The following PLEKHG1 variants were observed in gnomAD, a reference collection of about 807,000 sequenced individuals.
PLEKHG1 encodes pleckstrin homology and RhoGEF domain containing G1.
Under a neutral mutation model 100.8 loss-of-function variants are expected in PLEKHG1, and 44 were observed. The ratio of observed to expected loss-of-function variants is 0.44; its 90% confidence interval spans 0.34 to 0.56. The LOEUF is 0.56. Among genes scored for constraint, PLEKHG1 ranks in the 20% least tolerant of loss-of-function variants. The probability of loss-of-function intolerance (pLI) is 0.01; values close to 1 mark genes in which losing one functional copy is unlikely to be tolerated. For synonymous variants in PLEKHG1, 640 were observed against 662.5 expected (o/e 0.97, Z 0.52); for missense variants, 1,545 against 1,720.9 (o/e 0.90, Z 1.81).
At chr6:150,601,554 T>G (rs1162761579) in intron 1 of PLEKHG1, among the ~76,000 whole-genome samples, 1 of 152,224 alleles carries the variant, frequency 6.6e-6, no homozygotes, top group Non-Finnish European at 1.5e-5. Context: ...TGAGTCTGGC[T>G]TCCCAATTCC....
chr6:150,653,263 T>A (rs1318500950), intron 3 of PLEKHG1, among the ~76,000 whole-genome samples: 1 of 152,160 alleles, frequency 6.6e-6, no homozygotes, highest in East Asian at 1.9e-4. Flanking sequence ...GAACCTAGCT[T>A]GTATTATATT....
At chr6:150,669,273 G>A (rs1779505249) in intron 3 of PLEKHG1, among the ~76,000 whole-genome samples, 1 of 152,140 alleles carries the variant, frequency 6.6e-6, no homozygotes, top group Non-Finnish European at 1.5e-5. Flanking sequence ...TACAGAATGA[G>A]TAGGAGTGAG....
chr6:150,734,066 G>A, exon 2 of PLEKHG1: 1 of 1,612,356 alleles, frequency 6.2e-7, no homozygotes, highest in South Asian at 1.1e-5. Flanking sequence ...AAGGACTTAT[G>A]TACAAGATTT....
intron 1 of PLEKHG1, among the ~76,000 whole-genome samples, chr6:150,608,480 T>C (rs1415159253): frequency 6.6e-6 from 1 of 152,238 alleles, no homozygotes; most frequent in Non-Finnish European, 1.5e-5. Flanking sequence ...AATACATTTC[T>C]GTACTGGCTA....
At chr6:150,762,396 G>A (rs988664766) in intron 2 of PLEKHG1, among the ~76,000 whole-genome samples, 27 of 150,344 alleles carry the variant, frequency 1.8e-4, no homozygotes, top group Non-Finnish European at 3.5e-4. Context: ...ACGGGGTTTC[G>A]CCATGTTGGC....
At chr6:150,684,369 G>A (rs757985038) in intron 3 of PLEKHG1, among the ~76,000 whole-genome samples, 1 of 152,168 alleles carries the variant, frequency 6.6e-6, no homozygotes, top group South Asian at 2.1e-4. Context: ...TGGCTGTTTC[G>A]GGAATGACGA....
At position 150,757,059 on chromosome 6, in the gene PLEKHG1, A is replaced by C. The variant is rs563040014; in HGVS notation, c.412-11579A>C. 1.4e-4 allele frequency among the ~76,000 whole-genome samples: 22 copies of C among 152,318 alleles called. No individual in the cohort carries two copies. In the East Asian group the frequency reaches 4.2e-3, roughly 29 times the overall value. On this transcript the variant is annotated intron_variant, in intron 2 of 15. Coordinates refer to ENST00000358517, the Ensembl canonical transcript of PLEKHG1. ...AGTCTCGCTCTGTCACCCAAGCTGG[A>C]GTGCAGTGGCTCACTGTAACCTCTG...
chr6:150,770,353 A>G (rs1417647224), intron 3 of PLEKHG1, among the ~76,000 whole-genome samples: 1 of 152,206 alleles, frequency 6.6e-6, no homozygotes, highest in African/African-American at 2.4e-5. Context: ...CCTTGACTTG[A>G]AATAGCTTAT....
chr6:150,688,571 G>A (rs945495126), intron 3 of PLEKHG1, among the ~76,000 whole-genome samples: 3 of 151,992 alleles, frequency 2.0e-5, no homozygotes, highest in East Asian at 1.9e-4. Context: ...ATCCACCTGC[G>A]TTGGCCTCCC....
intron 3 of PLEKHG1, among the ~76,000 whole-genome samples, chr6:150,773,321 G>A (rs2128642679): frequency 6.6e-6 from 1 of 152,236 alleles, no homozygotes; most frequent in South Asian, 2.1e-4. Flanking sequence ...ATCACCTGAG[G>A]TTAGGAGCTT....
chr6:150,836,205 C>T (rs931915650), intron 15 of PLEKHG1, among the ~76,000 whole-genome samples: 8 of 151,860 alleles, frequency 5.3e-5, no homozygotes, highest in South Asian at 4.2e-4. Context: ...GGTGAAATCT[C>T]GTCTCTACTA....
chr6:150,840,204 A>T (rs775901564), exon 16 of PLEKHG1: 2 of 1,614,070 alleles, frequency 1.2e-6, no homozygotes, highest in African/African-American at 1.3e-5. Flanking sequence ...CAACAAAGAG[A>T]ACTGGTGTCA....
intron 10 of PLEKHG1, among the ~76,000 whole-genome samples, chr6:150,810,543 A>AAGG (rs1787457304): frequency 6.8e-6 from 1 of 146,818 alleles, no homozygotes; most frequent in Non-Finnish European, 1.5e-5. Flanking sequence ...AGAAAGGAAG[A>AAGG]AAGGAAGGAA....
rs374139165 is a variant in PLEKHG1, at chr6:150,608,452, T to C, written c.-204+8435T>C. Among the ~76,000 whole-genome samples, 12 of 152,326 alleles carry C rather than the reference T, an allele frequency of 7.9e-5. No homozygotes were observed. In the East Asian group the frequency reaches 1.7e-3, roughly 22 times the overall value. On this transcript the variant is annotated intron_variant, in intron 1 of 3. Coordinates refer to the PLEKHG1 transcript ENST00000367326. ...GGAGTGAACAGGTATTTATTCTTCT[T>C]ACAGAAATAAAGAAGAGAATACATT...
At chr6:150,631,425 C>T (rs1777742273) in intron 1 of PLEKHG1, among the ~76,000 whole-genome samples, 1 of 152,164 alleles carries the variant, frequency 6.6e-6, no homozygotes, top group African/African-American at 2.4e-5. Context: ...TGGGGGACAC[C>T]CCATCCCCTA....
intron 5 of PLEKHG1, among the ~76,000 whole-genome samples, chr6:150,800,175 G>C (rs556525828): frequency 2.3e-4 from 35 of 152,248 alleles, no homozygotes; most frequent in African/African-American, 8.2e-4. Context: ...CCCAGGGGAA[G>C]AGGTCTCTAA....
intron 4 of PLEKHG1, among the ~76,000 whole-genome samples, chr6:150,789,482 C>A (rs1365742208): frequency 1.3e-5 from 2 of 152,074 alleles, no homozygotes; most frequent in Non-Finnish European, 2.9e-5. Flanking sequence ...TGATTTAAAT[C>A]ACAGCCCTCC....
intron 1 of PLEKHG1, among the ~76,000 whole-genome samples, chr6:150,727,709 C>T (rs933548724): frequency 6.6e-6 from 1 of 152,164 alleles, no homozygotes; most frequent in African/African-American, 2.4e-5. Flanking sequence ...ACTTCCACCC[C>T]CACCACCTCC....
At chr6:150,786,303 G>A (rs1459703796) in intron 3 of PLEKHG1, 87 bp from the exon 5 acceptor site, 4 of 856,240 alleles carry the variant, frequency 4.7e-6, no homozygotes, top group East Asian at 2.5e-5. Context: ...TAAATGCCAT[G>A]GAAATGTTTA....
Sources: allele counts gnomAD v4.1 joint callset (sites outside exome capture counted in the v4.1 genomes callset), GRCh38; gene constraint gnomAD v4.1.1; transcripts MANE v1.5; gene names NCBI Gene and HGNC (gene_info 2026-07-23, HGNC 2026-07-21).